GLRX3: variants seen among roughly 807,000 people sequenced by gnomAD.
GLRX3 encodes glutaredoxin-3.
GLRX3 carries 22 observed loss-of-function variants against 49.5 expected under a neutral mutation model. That is an observed-to-expected ratio of 0.44 (90% CI 0.32 to 0.63). The LOEUF is 0.63. Ranked by LOEUF, GLRX3 falls within the 30% of genes least tolerant of loss-of-function variation. The pLI, the probability that GLRX3 is intolerant of heterozygous loss-of-function variation, is 0.05. For synonymous variants in GLRX3, 133 were observed against 140.0 expected (o/e 0.95, Z 0.35); for missense variants, 385 against 396.3 (o/e 0.97, Z 0.24).
chr10:130,156,808 C>T (rs1016263028), intron 2 of GLRX3, among the ~76,000 whole-genome samples: 1 of 152,176 alleles, frequency 6.6e-6, no homozygotes, highest in African/African-American at 2.4e-5. Flanking sequence ...GGTTTGGATT[C>T]TTGGTATAGG....
At chr10:130,147,497 G>A (rs1026296108) in intron 2 of GLRX3, among the ~76,000 whole-genome samples, 2 of 152,172 alleles carry the variant, frequency 1.3e-5, no homozygotes, top group Non-Finnish European at 2.9e-5. Flanking sequence ...GCGATTTTGG[G>A]TTGTGGGGGA....
chr10:130,177,579 A>C (rs1228910968), intron 10 of GLRX3, among the ~76,000 whole-genome samples: 1 of 152,250 alleles, frequency 6.6e-6, no homozygotes, highest in East Asian at 1.9e-4. Context: ...TGAATTGTCC[A>C]CCATCCCATA....
At chr10:130,159,426 G>A (rs1862534596) in intron 2 of GLRX3, among the ~76,000 whole-genome samples, 1 of 152,214 alleles carries the variant, frequency 6.6e-6, no homozygotes, top group South Asian at 2.1e-4. Flanking sequence ...TAGACCGGAA[G>A]CAAGTAACCT....
At chr10:130,165,533 A>G (rs1862664801) in intron 4 of GLRX3, among the ~76,000 whole-genome samples, 1 of 152,194 alleles carries the variant, frequency 6.6e-6, no homozygotes, top group Admixed American at 6.5e-5. Context: ...AGTTTTAAAA[A>G]AGAAACTGTC....
intron 8 of GLRX3, among the ~76,000 whole-genome samples, chr10:130,173,341 C>G (rs1048961880): frequency 5.3e-5 from 8 of 152,140 alleles, no homozygotes; most frequent in Admixed American, 2.0e-4. Context: ...AGAGCATGAC[C>G]TCCCAGCTCT....
intron 1 of GLRX3, among the ~76,000 whole-genome samples, chr10:130,138,319 A>C (rs1862105954): frequency 2.6e-5 from 4 of 152,066 alleles, no homozygotes; most frequent in Admixed American, 2.6e-4. Context: ...TCGGCCTTGT[A>C]AAGTATCGGG....
At chr10:130,157,971 G>A (rs894513223) in intron 2 of GLRX3, among the ~76,000 whole-genome samples, 1 of 152,146 alleles carries the variant, frequency 6.6e-6, no homozygotes, top group African/African-American at 2.4e-5. Context: ...TAGGACTTCA[G>A]ATGCCCTTGA....
At chr10:130,179,822 G>T (rs1477359457), downstream of GLRX3, among the ~76,000 whole-genome samples, 1 of 152,190 alleles carries the variant, frequency 6.6e-6, no homozygotes, top group Non-Finnish European at 1.5e-5. Context: ...GCTGGTGAAA[G>T]ATCTCTTTAC....
chr10:130,165,167 ACTG>A (rs1175323116), intron 4 of GLRX3, among the ~76,000 whole-genome samples: 1 of 152,226 alleles, frequency 6.6e-6, no homozygotes, highest in Non-Finnish European at 1.5e-5. Context: ...AATTGCTGAC[ACTG>A]CTAAGTCTTA....
At chr10:130,165,089 A>G (rs1311964156) in intron 4 of GLRX3, among the ~76,000 whole-genome samples, 2 of 152,238 alleles carry the variant, frequency 1.3e-5, no homozygotes, top group African/African-American at 4.8e-5. Context: ...ATTTTGGGTG[A>G]CATCAGTAAA....
downstream of GLRX3, among the ~76,000 whole-genome samples, chr10:130,179,904 C>T (rs1456455972): frequency 6.6e-6 from 1 of 152,156 alleles, no homozygotes; most frequent in Non-Finnish European, 1.5e-5. Context: ...ATTGCAGAGG[C>T]AGTGTAGGAT....
At chr10:130,169,045 G>A (rs1037841469) in intron 6 of GLRX3, among the ~76,000 whole-genome samples, 2 of 152,202 alleles carry the variant, frequency 1.3e-5, no homozygotes, top group Non-Finnish European at 2.9e-5. Flanking sequence ...CTTTACACGT[G>A]TACAGTGGTA....
intron 1 of GLRX3, among the ~76,000 whole-genome samples, chr10:130,142,039 C>T (rs1417540651): frequency 1.3e-5 from 2 of 152,176 alleles, no homozygotes; most frequent in African/African-American, 4.8e-5. Context: ...ACAGTCTCTG[C>T]CGTGGACCTG....
Position 130,160,080 on chromosome 10 carries a change from A to AC in GLRX3, c.276+11_276+12insC, listed in dbSNP as rs751178710. Reference sequence around the variant, plus strand: ...TTTCTGTTTTTCAAGGTAAGGATAAAGGTGGTACAAGAGATTATCCATTTG... The same window carrying AC: ...TTTCTGTTTTTCAAGGTAAGGATAAACGGTGGTACAAGAGATTATCCATTTG... On this transcript the variant is annotated intron_variant, in intron 3 of 10. Coordinates refer to ENST00000331244, the MANE Select transcript of GLRX3 (RefSeq NM_006541.5). 6.6e-7 allele frequency: 1 copy of AC among 1,522,734 alleles called. No homozygotes were observed. The highest frequency in any genetic ancestry group is 9.1e-7 in the Non-Finnish European group (1 of 1,096,802). 94.3% of individuals were successfully genotyped at this position (1,522,734 alleles called of 1,614,324 possible). A position where few individuals can be genotyped will look rare whatever the true frequency, so the allele number is the denominator to read the frequency against.
chr10:130,137,502 A>G (rs565951872), intron 1 of GLRX3, among the ~76,000 whole-genome samples: 1 of 152,218 alleles, frequency 6.6e-6, no homozygotes, highest in African/African-American at 2.4e-5. Context: ...CACCGCAGCC[A>G]CTCAGTAGCC....
intron 8 of GLRX3, among the ~76,000 whole-genome samples, chr10:130,172,370 T>A (rs17297991): frequency 2.6e-5 from 4 of 152,210 alleles, no homozygotes; most frequent in Non-Finnish European, 5.9e-5. Context: ...GCAGTGCTCC[T>A]AGTTTTGATG....
At chr10:130,149,656 T>G (rs1002126677) in intron 2 of GLRX3, among the ~76,000 whole-genome samples, 10 of 152,054 alleles carry the variant, frequency 6.6e-5, no homozygotes, top group African/African-American at 2.4e-4. Flanking sequence ...ATATGGTATC[T>G]GGCAGAGGGG....
chr10:130,151,690 A>G (rs1590061877), intron 2 of GLRX3, among the ~76,000 whole-genome samples: 1 of 152,314 alleles, frequency 6.6e-6, no homozygotes, highest in East Asian at 1.9e-4. Context: ...GTCCCTGTAA[A>G]GGACATGAAC....
At chr10:130,145,466 C>T in intron 2 of GLRX3, 147 bp downstream of exon 2, 2 of 479,776 alleles carry the variant, frequency 4.2e-6, no homozygotes, top group Non-Finnish European at 7.6e-6. Flanking sequence ...AGTTTGAGAC[C>T]AGCCCAGCCA....
Sources: allele counts gnomAD v4.1 joint callset (sites outside exome capture counted in the v4.1 genomes callset), GRCh38; gene constraint gnomAD v4.1.1; transcripts MANE v1.5; gene names NCBI Gene and HGNC (gene_info 2026-07-23, HGNC 2026-07-21).